ADARB2: variants seen among roughly 807,000 people sequenced by gnomAD.
ADARB2 encodes adenosine deaminase RNA specific B2 (inactive), also known as inactive double-stranded RNA-specific editase B2.
ADARB2 carries 25 observed loss-of-function variants against 62.2 expected under a neutral mutation model. The ratio of observed to expected loss-of-function variants is 0.40; its 90% CI spans 0.29 to 0.56. The LOEUF (loss-of-function observed/expected upper bound fraction) is 0.56. Ranked by LOEUF, ADARB2 falls within the 20% of genes least tolerant of loss-of-function variation. The pLI is 0.43. For synonymous variants in ADARB2, 572 were observed against 500.8 expected (o/e 1.14, Z -1.90); for missense variants, 1,071 against 1,077.4 (o/e 0.99, Z 0.08).
chr10:1,268,684 C>T (rs1302324547), intron 4 of ADARB2, among the ~76,000 whole-genome samples: 2 of 152,104 alleles, frequency 1.3e-5, no homozygotes, highest in African/African-American at 2.4e-5. Context: ...AGTAATTTTG[C>T]ACATTTCTAA....
chr10:1,589,712 C>T (rs1004760926), intron 1 of ADARB2, among the ~76,000 whole-genome samples: 11 of 152,172 alleles, frequency 7.2e-5, no homozygotes, highest in African/African-American at 2.4e-4. Context: ...CTCGCTCTGT[C>T]GCCCAGTCTG....
intron 1 of ADARB2, among the ~76,000 whole-genome samples, chr10:1,641,597 C>T (rs930139959): frequency 1.3e-5 from 2 of 152,232 alleles, no homozygotes; most frequent in African/African-American, 4.8e-5. Flanking sequence ...TGCGTCTTTG[C>T]TGCGAGAGTG....
chr10:1,306,088 G>T (rs1242434060), intron 3 of ADARB2, among the ~76,000 whole-genome samples: 1 of 151,916 alleles, frequency 6.6e-6, no homozygotes, highest in Non-Finnish European at 1.5e-5. Flanking sequence ...GAAATAAAGG[G>T]TATTCAATTA....
At chr10:1,337,984 T>C (rs1001978520) in intron 3 of ADARB2, among the ~76,000 whole-genome samples, 11 of 152,224 alleles carry the variant, frequency 7.2e-5, no homozygotes, top group African/African-American at 2.4e-4. Context: ...CACGTGCTTC[T>C]CATGGCATCA....
chr10:1,291,031 GA>G (rs1357197530), intron 3 of ADARB2: 1 of 152,140 alleles, frequency 6.6e-6, no homozygotes, highest in East Asian at 1.9e-4. Context: ...CATTCATCTG[GA>G]TTTAAAAAGA....
chr10:1,550,204 A>C (rs4880866), intron 1 of ADARB2, among the ~76,000 whole-genome samples: 139,378 of 152,170 alleles, frequency 0.92, 64,623 homozygotes, highest in East Asian at 1. Context: ...CTGTACTCGG[A>C]AAACACACAA....
chr10:1,361,734 C>G (rs377142416), intron 3 of ADARB2: 1 of 152,202 alleles, frequency 6.6e-6, no homozygotes, highest in Admixed American at 6.5e-5. Context: ...TCGAGTGGGA[C>G]CCTACATTCG....
intron 3 of ADARB2, among the ~76,000 whole-genome samples, chr10:1,296,792 G>A (rs1831527200): frequency 6.6e-6 from 1 of 152,146 alleles, no homozygotes; most frequent in Admixed American, 6.5e-5. Flanking sequence ...GTAGTTTTTA[G>A]CCACCCTCAT....
intron 1 of ADARB2, among the ~76,000 whole-genome samples, chr10:1,644,987 T>C (rs1048237082): frequency 2.0e-5 from 3 of 152,346 alleles, no homozygotes; most frequent in Admixed American, 6.5e-5. Context: ...AGGTAGACTG[T>C]AGAATGCCAG....
intron 1 of ADARB2, among the ~76,000 whole-genome samples, chr10:1,493,427 T>C (rs1159133214): frequency 6.6e-6 from 1 of 152,172 alleles, no homozygotes; most frequent in African/African-American, 2.4e-5. Context: ...CAGGTCACAA[T>C]AATGAATACA....
intron 1 of ADARB2, among the ~76,000 whole-genome samples, chr10:1,397,756 G>A (rs1372040115): frequency 3.9e-5 from 3 of 76,162 alleles, no homozygotes; most frequent in East Asian, 4.0e-4. Flanking sequence ...CTGGGTCACC[G>A]TCCGTCTCTC....
intron 3 of ADARB2, among the ~76,000 whole-genome samples, chr10:1,361,990 A>G (rs1832261640): frequency 6.6e-6 from 1 of 152,264 alleles, no homozygotes; most frequent in South Asian, 2.1e-4. Flanking sequence ...ACATGATAAG[A>G]GAAAAGATAA....
chr10:1,718,611 G>A (rs1239724822), intron 1 of ADARB2, among the ~76,000 whole-genome samples: 1 of 152,100 alleles, frequency 6.6e-6, no homozygotes, highest in Non-Finnish European at 1.5e-5. Flanking sequence ...GACAGGGAGC[G>A]GCGTTTAGAG....
intron 1 of ADARB2, among the ~76,000 whole-genome samples, chr10:1,607,268 A>T (rs1289267150): frequency 1.3e-5 from 2 of 152,188 alleles, no homozygotes; most frequent in African/African-American, 2.4e-5. Context: ...TCCTCCATTC[A>T]TGAACGATTC....
intron 1 of ADARB2, among the ~76,000 whole-genome samples, chr10:1,612,218 AG>A (rs1833581486): frequency 6.6e-6 from 1 of 152,194 alleles, no homozygotes; most frequent in Non-Finnish European, 1.5e-5. Flanking sequence ...AGTTGTGAGG[AG>A]GGGCCGCGTC....
intron 7 of ADARB2, among the ~76,000 whole-genome samples, chr10:1,206,652 C>T (rs752723955): frequency 6.6e-6 from 1 of 152,168 alleles, no homozygotes; most frequent in Non-Finnish European, 1.5e-5. Context: ...GTGAAGATGG[C>T]GCCCATGAGA....
intron 7 of ADARB2, among the ~76,000 whole-genome samples, chr10:1,212,006 C>T (rs368287807): frequency 1.4e-4 from 21 of 152,310 alleles, no homozygotes; most frequent in South Asian, 4.1e-4. Context: ...CATCCTGCGC[C>T]GGGCATGGTG....
At chr10:1,302,368 G>A (rs535804146) in intron 3 of ADARB2, among the ~76,000 whole-genome samples, 19 of 152,260 alleles carry the variant, frequency 1.2e-4, no homozygotes, top group African/African-American at 3.4e-4. Context: ...CACCTGGCTC[G>A]GAGGGTCCTA....
chr10:1,572,477 TG>T (rs1832955838), intron 1 of ADARB2, among the ~76,000 whole-genome samples: 1 of 152,166 alleles, frequency 6.6e-6, no homozygotes, highest in African/African-American at 2.4e-5. Context: ...CTCGTCCATC[TG>T]AATGACTGTG....
Sources: gnomAD v4.1 joint callset for allele counts (sites outside exome capture counted in the v4.1 genomes callset) on GRCh38, gnomAD v4.1.1 for gene constraint, MANE v1.5 for transcripts, NCBI Gene and HGNC (gene_info 2026-07-23, HGNC 2026-07-21) for gene names.